CNOT2: variants seen among roughly 807,000 people sequenced by gnomAD.
The protein encoded by CNOT2 is CC chemokine receptor 4-negative regulator of transcription 2.
In CNOT2, 7 loss-of-function variants were observed where a neutral mutation model predicts 72.1. The observed-to-expected ratio is 0.10, with a 90% confidence interval of 0.06 to 0.18. The LOEUF is 0.18. Among genes scored for constraint, CNOT2 ranks in the 10% least tolerant of loss-of-function variants. CNOT2 has a pLI of 1.00. For missense variants in CNOT2, 345 were observed against 660.3 expected, an observed-to-expected ratio of 0.52 and a Z score of 5.23; for synonymous variants, 196 against 225.6, an observed-to-expected ratio of 0.87 and a Z score of 1.17.
intron 1 of CNOT2, among the ~76,000 whole-genome samples, chr12:70,275,253 CTA>C (rs1233296434): frequency 6.6e-6 from 1 of 151,950 alleles, no homozygotes; most frequent in Non-Finnish European, 1.5e-5. Context: ...CTTTGTTACT[CTA>C]TGTATTTTTT....
At chr12:70,304,050 C>G (rs1593181057) in intron 2 of CNOT2, among the ~76,000 whole-genome samples, 1 of 152,196 alleles carries the variant, frequency 6.6e-6, no homozygotes, top group Non-Finnish European at 1.5e-5. Flanking sequence ...GTTTTCAGCT[C>G]CATCAGGTCC....
At chr12:70,308,560 T>C (rs1875860196) in intron 2 of CNOT2, among the ~76,000 whole-genome samples, 1 of 124,266 alleles carries the variant, frequency 8.0e-6, no homozygotes, top group African/African-American at 3.1e-5. Flanking sequence ...ATATTTTCTC[T>C]CTCTCTCTCT....
intron 15 of CNOT2, among the ~76,000 whole-genome samples, chr12:70,353,319 C>T (rs1056010496): frequency 6.6e-6 from 1 of 152,020 alleles, no homozygotes; most frequent in Admixed American, 6.6e-5. Flanking sequence ...TCGTGATCTG[C>T]CCACCTAAGC....
intron 15 of CNOT2, among the ~76,000 whole-genome samples, chr12:70,351,763 TAAC>T (rs1882892966): frequency 1.3e-5 from 2 of 152,228 alleles, no homozygotes; most frequent in African/African-American, 2.4e-5. Flanking sequence ...AGAAGAATGA[TAAC>T]AAATTTTCTT....
chr12:70,319,210 T>G (rs1877879342), intron 3 of CNOT2, 88 bp from the exon 4 acceptor site: 1 of 1,050,638 alleles, frequency 9.5e-7, no homozygotes, highest in African/African-American at 1.6e-5. Context: ...ATTTTCACAT[T>G]TATGGTATGA....
At position 70,354,449 on chromosome 12, in the gene CNOT2, G is replaced by A. The variant is rs17108045; in HGVS notation, c.*534G>A. The stretch of plus-strand genomic sequence containing the variant: ...TGTTTTTGAAAGGCAGTTTCGCCAA[G>A]CTTAATGCAAGAATATCTGACTGTT... On this transcript the variant is annotated 3_prime_UTR_variant, in exon 16 of 16. Transcript: ENST00000229195. 3,313 of 152,788 alleles carry A rather than the reference G, an allele frequency of 0.022. 77 individuals are homozygous for A. The highest frequency in any genetic ancestry group is 0.047 in the Admixed American group (713 of 15,296). 9.5% of individuals were successfully genotyped at this position (152,788 alleles called of 1,614,324 possible).
At chr12:70,283,510 A>AGATAGAT (rs1565764908) in intron 2 of CNOT2, among the ~76,000 whole-genome samples, 5 of 80,864 alleles carry the variant, frequency 6.2e-5, no homozygotes, top group Non-Finnish European at 1.3e-4. Flanking sequence ...GATAGATAGA[A>AGATAGAT]TTTTATTAAA....
intron 4 of CNOT2, among the ~76,000 whole-genome samples, chr12:70,320,239 C>A (rs1208549209): frequency 1.3e-5 from 2 of 151,540 alleles, no homozygotes; most frequent in Non-Finnish European, 3.0e-5. Flanking sequence ...CTATCCTAAC[C>A]AGTTTCAAGT....
At chr12:70,265,411 G>A (rs887062623) in intron 1 of CNOT2, among the ~76,000 whole-genome samples, 2 of 151,408 alleles carry the variant, frequency 1.3e-5, no homozygotes, top group African/African-American at 2.4e-5. Flanking sequence ...TTGAGGAATA[G>A]GTGCATTTCA....
chr12:70,310,630 G>A (rs1006161226), intron 2 of CNOT2, among the ~76,000 whole-genome samples: 1 of 151,902 alleles, frequency 6.6e-6, no homozygotes, highest in African/African-American at 2.4e-5. Context: ...TGAAGAGTAA[G>A]GTATACTTAG....
chr12:70,341,850 T>C (rs1881550576), intron 11 of CNOT2: 1 of 402,444 alleles, frequency 2.5e-6, no homozygotes, highest in Admixed American at 4.0e-5. Flanking sequence ...TTTTTAATCA[T>C]GTTTTGTATA....
chr12:70,255,217 A>C (rs1958374203), intron 1 of CNOT2, among the ~76,000 whole-genome samples: 1 of 152,106 alleles, frequency 6.6e-6, no homozygotes, highest in Non-Finnish European at 1.5e-5. Flanking sequence ...TATCATGATA[A>C]TCTTTGGGGT....
chr12:70,328,157 A>T (rs1879372089), intron 4 of CNOT2, among the ~76,000 whole-genome samples: 1 of 152,016 alleles, frequency 6.6e-6, no homozygotes, highest in East Asian at 1.9e-4. Context: ...AGTTATATTG[A>T]ATTAGATTGA....
intron 2 of CNOT2, among the ~76,000 whole-genome samples, chr12:70,291,886 G>A (rs1168357621): frequency 1.3e-5 from 2 of 152,168 alleles, no homozygotes; most frequent in East Asian, 3.9e-4. Context: ...GCAGTGAGCC[G>A]AGATCGTGCC....
At chr12:70,283,296 T>C (rs1254464936) in intron 2 of CNOT2, among the ~76,000 whole-genome samples, 1 of 152,082 alleles carries the variant, frequency 6.6e-6, no homozygotes, top group Non-Finnish European at 1.5e-5. Flanking sequence ...AAAGAACACT[T>C]AATAAAATAA....
At chr12:70,257,360 T>A (rs1445669839) in intron 1 of CNOT2, among the ~76,000 whole-genome samples, 1 of 148,556 alleles carries the variant, frequency 6.7e-6, no homozygotes, top group African/African-American at 2.5e-5. Flanking sequence ...CCCCCTTTTT[T>A]TTTTTTTTTT....
rs191297126 is a variant in CNOT2, at chr12:70,309,962, T to A, written c.49-933T>A. On this transcript the variant is annotated intron_variant, in intron 2 of 15. Transcript: ENST00000229195. ...CAGATTGAAAATATTTGGGGAAAAA[T>A]AATGGATGGTTGTGTCTGTACTGAA... 7.4e-4 allele frequency among the ~76,000 whole-genome samples: 112 copies of A among 152,084 alleles called. 1 individual carries two copies. Among genetic ancestry groups the A allele is most frequent in the African/African-American group, 2.5e-3 (105 of 41,542 alleles).
At chr12:70,309,088 T>A (rs1444097237) in intron 2 of CNOT2, among the ~76,000 whole-genome samples, 2 of 152,134 alleles carry the variant, frequency 1.3e-5, no homozygotes, top group Non-Finnish European at 2.9e-5. Flanking sequence ...TTTTTGAAAT[T>A]ACTCACTAAG....
At chr12:70,265,265 C>T (rs1017709312) in intron 1 of CNOT2, among the ~76,000 whole-genome samples, 1 of 149,216 alleles carries the variant, frequency 6.7e-6, no homozygotes, top group Non-Finnish European at 1.5e-5. Flanking sequence ...CCTGGAGTTT[C>T]GTTTTGTTTC....
Sources: gnomAD v4.1 joint callset for allele counts (sites outside exome capture counted in the v4.1 genomes callset) on GRCh38, gnomAD v4.1.1 for gene constraint, MANE v1.5 for transcripts, NCBI Gene and HGNC (gene_info 2026-07-23, HGNC 2026-07-21) for gene names.